Variants in LRMDA observed in about 807,000 individuals in gnomAD.
LRMDA encodes leucine rich melanocyte differentiation associated.
Under a neutral mutation model 29.8 loss-of-function variants are expected in LRMDA, and 18 were observed. The observed-to-expected ratio is 0.60, with a 90% CI of 0.42 to 0.90. LRMDA has a LOEUF of 0.90. Ranked by LOEUF, LRMDA falls within the 40% of genes least tolerant of loss-of-function variation. The pLI is 0.00. For synonymous variants in LRMDA, 125 were observed against 109.4 expected (o/e 1.14, Z -0.89); for missense variants, 273 against 273.9 (o/e 1.00, Z 0.02).
rs34512542 is a variant in LRMDA at position 75,598,656 on chromosome 10, G to T, written c.131+160162G>T. ...GTAAATATTTGGTGTGGTTCAGATC[G>T]TCTTTGCTTGCCTCGCGTACGACTC... On this transcript the variant is annotated intron_variant, in intron 2 of 6. Coordinates refer to ENST00000611255, the MANE Select transcript of LRMDA (RefSeq NM_001305581.2). 2.9e-3 allele frequency among the ~76,000 whole-genome samples: 437 copies of T among 152,220 alleles called. 4 individuals are homozygous for T. Among genetic ancestry groups the T allele is most frequent in the Non-Finnish European group, 4.3e-3 (290 of 68,008 alleles).
At chr10:75,938,667 G>A (rs923384581) in intron 2 of LRMDA, among the ~76,000 whole-genome samples, 6 of 152,162 alleles carry the variant, frequency 3.9e-5, no homozygotes, top group Admixed American at 3.3e-4. Flanking sequence ...ATCAAGGTAC[G>A]AGTAATGAAA....
chr10:75,791,944 C>T (rs972049280), intron 2 of LRMDA, among the ~76,000 whole-genome samples: 3 of 145,976 alleles, frequency 2.1e-5, no homozygotes, highest in African/African-American at 7.5e-5. Flanking sequence ...ACTGCAAGCT[C>T]TGCCTCCCAG....
intron 2 of LRMDA, among the ~76,000 whole-genome samples, chr10:75,537,131 A>G (rs569015461): frequency 1.3e-5 from 2 of 152,132 alleles, no homozygotes; most frequent in Non-Finnish European, 2.9e-5. Context: ...CTGTCACACT[A>G]TATGCTGAAG....
chr10:76,349,611 G>T (rs1473106832), intron 6 of LRMDA, among the ~76,000 whole-genome samples: 1 of 151,844 alleles, frequency 6.6e-6, no homozygotes, highest in African/African-American at 2.4e-5. Context: ...TGTCTATAAA[G>T]AAACAATTAA....
Position 75,871,439 on chromosome 10 carries a change from C to T in LRMDA, c.132-164569C>T, listed in dbSNP as rs1025287763. ...GGGACTAAAGCTGATGGATTGCTGC[C>T]CAGCCTCTTACCTTTCATGCAGGCA... On this transcript the variant is annotated intron_variant, in intron 2 of 6. Coordinates refer to ENST00000611255, the MANE Select transcript of LRMDA (RefSeq NM_001305581.2). Among the ~76,000 whole-genome samples, 7 of 152,272 alleles carry T rather than the reference C, an allele frequency of 4.6e-5. No individual in the cohort carries two copies. The East Asian group carries it at 1.2e-3, about 25-fold the overall frequency.
intron 5 of LRMDA, among the ~76,000 whole-genome samples, chr10:76,150,989 G>A (rs1178567038): frequency 6.6e-6 from 1 of 152,074 alleles, no homozygotes; most frequent in African/African-American, 2.4e-5. Flanking sequence ...AATTAATAGA[G>A]GCTCTCCATT....
At chr10:75,448,220 A>G (rs11001396) in intron 2 of LRMDA, among the ~76,000 whole-genome samples, 2,823 of 152,320 alleles carry the variant, frequency 0.019, 98 homozygotes, top group African/African-American at 0.064. Context: ...TGCCTCTAAG[A>G]TAAGACATTC....
At chr10:75,860,095 GTCTA>G (rs1464537143) in intron 2 of LRMDA, among the ~76,000 whole-genome samples, 1 of 151,980 alleles carries the variant, frequency 6.6e-6, no homozygotes, top group Non-Finnish European at 1.5e-5. Flanking sequence ...TGATCTATTT[GTCTA>G]TCTGTTTGCT....
intron 2 of LRMDA, among the ~76,000 whole-genome samples, chr10:75,818,234 TTTGTGGGGTAAGAG>T (rs1844094134): frequency 6.6e-6 from 1 of 151,842 alleles, no homozygotes; most frequent in South Asian, 2.1e-4. Flanking sequence ...AATGAGGGGG[TTTGTGGGGTAAGAG>T]TTGTGGGGTC....
chr10:76,512,917 C>T (rs979902847), intron 6 of LRMDA, among the ~76,000 whole-genome samples: 2 of 151,914 alleles, frequency 1.3e-5, no homozygotes, highest in Non-Finnish European at 2.9e-5. Flanking sequence ...CAATTTATTA[C>T]TCATTGGGTT....
At chr10:76,467,256 A>G (rs957208554) in intron 6 of LRMDA, among the ~76,000 whole-genome samples, 9 of 152,278 alleles carry the variant, frequency 5.9e-5, no homozygotes, top group Admixed American at 5.2e-4. Context: ...CATGGGGTTG[A>G]GGCAAGGATT....
At chr10:75,697,853 G>GCA (rs2132167143) in intron 2 of LRMDA, among the ~76,000 whole-genome samples, 1 of 149,298 alleles carries the variant, frequency 6.7e-6, no homozygotes, top group African/African-American at 2.5e-5. Context: ...GTGTGTGTGC[G>GCA]TGTGTGTGTG....
intron 5 of LRMDA, among the ~76,000 whole-genome samples, chr10:76,241,644 G>T (rs1852279426): frequency 6.6e-6 from 1 of 152,164 alleles, no homozygotes; most frequent in South Asian, 2.1e-4. Context: ...TCCCCTGCAG[G>T]CACAGGATTC....
At chr10:75,662,411 C>A (rs1841765991) in intron 2 of LRMDA, among the ~76,000 whole-genome samples, 2 of 152,156 alleles carry the variant, frequency 1.3e-5, no homozygotes, top group African/African-American at 4.8e-5. Context: ...TAGAACTAAC[C>A]TCCACTGCCT....
At chr10:75,493,431 C>T (rs1026914518) in intron 2 of LRMDA, among the ~76,000 whole-genome samples, 5 of 147,426 alleles carry the variant, frequency 3.4e-5, no homozygotes, top group East Asian at 2.0e-4. Flanking sequence ...TATGGGAAGC[C>T]GAGGGAGCCC....
intron 6 of LRMDA, among the ~76,000 whole-genome samples, chr10:76,348,981 A>G (rs942782651): frequency 1.3e-5 from 2 of 152,194 alleles, no homozygotes; most frequent in African/African-American, 4.8e-5. Context: ...CGTGTTGAGG[A>G]GGTCAAATAC....
intron 2 of LRMDA, among the ~76,000 whole-genome samples, chr10:75,751,312 A>AGGGAGAGGGAGAGGGAGACCG (rs1185051137): frequency 6.0e-4 from 87 of 146,062 alleles, no homozygotes; most frequent in Admixed American, 9.5e-4. Context: ...GTGGAGAGAG[A>AGGGAGAGGGAGAGGGAGACCG]GGGAGAGGGA....
At chr10:76,156,035 C>G (rs1188008019) in intron 5 of LRMDA, among the ~76,000 whole-genome samples, 1 of 151,634 alleles carries the variant, frequency 6.6e-6, no homozygotes, top group Non-Finnish European at 1.5e-5. Flanking sequence ...CTTCCTTTAA[C>G]AGGAAAAAAA....
chr10:75,653,192 T>A (rs1329978002), intron 2 of LRMDA, among the ~76,000 whole-genome samples: 1 of 152,246 alleles, frequency 6.6e-6, no homozygotes, highest in Non-Finnish European at 1.5e-5. Flanking sequence ...GATAAAAGAC[T>A]TAGCCCTCTA....
Sources: allele counts gnomAD v4.1 joint callset (sites outside exome capture counted in the v4.1 genomes callset), GRCh38; gene constraint gnomAD v4.1.1; transcripts MANE v1.5; gene names NCBI Gene and HGNC (gene_info 2026-07-23, HGNC 2026-07-21).